Variants in MSI1 observed in about 807,000 individuals in gnomAD.
The protein encoded by MSI1 is RNA-binding protein Musashi homolog 1.
Under a neutral mutation model 54.4 loss-of-function variants are expected in MSI1, and 15 were observed. The ratio of observed to expected loss-of-function variants is 0.28; its 90% CI spans 0.18 to 0.42. The LOEUF is 0.42. Ranked by LOEUF, MSI1 falls within the 20% of genes least tolerant of loss-of-function variation. MSI1 has a pLI of 1.00. For missense variants in MSI1, 304 were observed against 506.0 expected, an observed-to-expected ratio of 0.60 and a Z score of 3.83; for synonymous variants, 200 against 196.5, an observed-to-expected ratio of 1.02 and a Z score of -0.15.
chr12:120,367,895 ACTCC>A (rs1208607318), intron 4 of MSI1, 109 bp downstream of exon 4: 7 of 1,070,282 alleles, frequency 6.5e-6, no homozygotes, highest in Non-Finnish European at 8.0e-6. Flanking sequence ...ACTCAGAAAA[ACTCC>A]CTCCTTCCTC....
Position 120,353,424 on chromosome 12 carries a change from G to A in MSI1, c.653-45C>T, listed in dbSNP as rs199849224. 1.9e-5 allele frequency: 30 copies of A among 1,569,872 alleles called. No individual in the cohort carries two copies. The African/African-American group carries it at 2.8e-4, about 15-fold the overall frequency. On this transcript the variant is annotated intron_variant, in intron 9 of 14. Transcript: ENST00000257552. Reference sequence around the variant, plus strand: ...GTGTCAGATGGCTCATCCACAGGGCGGATCCTGATCATGGAGAAGGACCTG... The same window carrying A: ...GTGTCAGATGGCTCATCCACAGGGCAGATCCTGATCATGGAGAAGGACCTG...
At chr12:120,340,769 C>T (rs1592914562), downstream of MSI1, among the ~76,000 whole-genome samples, 2 of 152,172 alleles carry the variant, frequency 1.3e-5, no homozygotes, top group African/African-American at 4.8e-5. Context: ...TTGCCTCAGC[C>T]TCCCCAAGTA....
chr12:120,357,119 T>A, intron 8 of MSI1, 100 bp from the exon 9 acceptor site: 1 of 1,089,674 alleles, frequency 9.2e-7, no homozygotes, highest in Non-Finnish European at 1.4e-6. Context: ...AATTTCACTG[T>A]CCAGCTGAAA....
chr12:120,350,587 T>A (rs1874511877), intron 11 of MSI1, among the ~76,000 whole-genome samples: 1 of 150,730 alleles, frequency 6.6e-6, no homozygotes, highest in Non-Finnish European at 1.5e-5. Flanking sequence ...GAGGGGAGAG[T>A]CTGGGGGTGG....
At chr12:120,354,485 G>A (rs968214937) in intron 9 of MSI1, among the ~76,000 whole-genome samples, 2 of 151,772 alleles carry the variant, frequency 1.3e-5, no homozygotes, top group South Asian at 2.1e-4. Flanking sequence ...AGGCTGGAGT[G>A]CAATGGCATG....
chr12:120,365,589 CAA>C (rs1875966872), intron 4 of MSI1, among the ~76,000 whole-genome samples: 1 of 152,178 alleles, frequency 6.6e-6, no homozygotes, highest in Admixed American at 6.5e-5. Flanking sequence ...TCTTTGTCTG[CAA>C]AAGGCTACAA....
intron 6 of MSI1, among the ~76,000 whole-genome samples, chr12:120,361,732 C>T (rs1565892482): frequency 6.6e-6 from 1 of 151,306 alleles, no homozygotes; most frequent in Non-Finnish European, 1.5e-5. Flanking sequence ...GGCGGGGGGC[C>T]CCCCGCCGCG....
chr12:120,357,934 A>T (rs1875279922), intron 7 of MSI1, 36 bp from the exon 8 acceptor site: 1 of 1,598,214 alleles, frequency 6.3e-7, no homozygotes, highest in Admixed American at 1.7e-5. Flanking sequence ...CAAGGTCAGA[A>T]CCAGAGCGCA....
At chr12:120,350,175 C>G (rs1874473647) in intron 11 of MSI1, among the ~76,000 whole-genome samples, 1 of 152,160 alleles carries the variant, frequency 6.6e-6, no homozygotes. Flanking sequence ...GCATGCACCA[C>G]CACCACACCT....
At chr12:120,363,294 G>A (rs1214848765) in intron 5 of MSI1, among the ~76,000 whole-genome samples, 159 bp from the exon 6 acceptor site, 1 of 76,976 alleles carries the variant, frequency 1.3e-5, no homozygotes, top group African/African-American at 6.2e-5. Flanking sequence ...TTGGACCCCC[G>A]CCTCTAGGCC....
At chr12:120,366,349 G>A (rs2136990439) in intron 4 of MSI1, among the ~76,000 whole-genome samples, 1 of 152,174 alleles carries the variant, frequency 6.6e-6, no homozygotes, top group African/African-American at 2.4e-5. Context: ...AATCCACACT[G>A]GGGCAATGCC....
intron 11 of MSI1, among the ~76,000 whole-genome samples, chr12:120,348,332 G>A (rs1235805267): frequency 1.3e-5 from 2 of 152,172 alleles, no homozygotes; most frequent in South Asian, 2.1e-4. Flanking sequence ...TGGCTTGAAT[G>A]GCTTGAGCCT....
chr12:120,349,995 G>A (rs750486805), intron 11 of MSI1, among the ~76,000 whole-genome samples: 1 of 152,096 alleles, frequency 6.6e-6, no homozygotes, highest in Non-Finnish European at 1.5e-5. Flanking sequence ...TCTTATCCCC[G>A]CTCTGTCCCC....
rs1246462361 is a variant in MSI1, at chr12:120,346,187, T to A, written c.995A>T (p.Tyr332Phe). Residue 332 changes from tyrosine to phenylalanine, a missense_variant, in exon 13 of 15, where the codon TAC becomes TTC. This residue lies in a region of MSI1 where 147 missense variants were observed against 231.5 expected (regional missense o/e 0.64). Transcript: ENST00000257552. ...AANQDSGVSS[Y>F]ISAASPAPST... The stretch of plus-strand genomic sequence containing the variant: ...GGGGGCAGGGCTGGCGGCGCTGATG[T>A]AACTGCTGACCCCCGAGTCCTGGTT... 3 of 1,600,278 alleles carry A rather than the reference T, an allele frequency of 1.9e-6. No individual in the cohort carries two copies. Among genetic ancestry groups the A allele is most frequent in the Non-Finnish European group, 2.6e-6 (3 of 1,174,270 alleles).
chr12:120,358,945 C>G, intron 7 of MSI1, 60 bp downstream of exon 7: 1 of 1,541,270 alleles, frequency 6.5e-7, no homozygotes, highest in Non-Finnish European at 8.8e-7. Flanking sequence ...CAGCTGTGAC[C>G]TGCAGCCCCC....
chr12:120,367,324 C>G (rs1042998145), intron 4 of MSI1, among the ~76,000 whole-genome samples: 2 of 152,172 alleles, frequency 1.3e-5, no homozygotes, highest in Non-Finnish European at 2.9e-5. Flanking sequence ...CTGGAGCCAG[C>G]GCCCCCTGCA....
chr12:120,345,171 G>C (rs1206919120), intron 14 of MSI1, among the ~76,000 whole-genome samples: 1 of 151,842 alleles, frequency 6.6e-6, no homozygotes, highest in Non-Finnish European at 1.5e-5. Flanking sequence ...GGGCAACACA[G>C]TGAAACCCTG....
At position 120,368,264 on chromosome 12, in the gene MSI1, C is replaced by T. The variant is rs866298359; in HGVS notation, c.110G>A (p.Arg37His). ...CTCCCCGAACTGGCCGAAGTATTCG[C>T]GCAGCCCTTCTGTAACCACACACCC... is the stretch of plus-strand genomic sequence containing the variant. ...LSWQTTQEGL[R>H]EYFGQFGEVK... The change falls in exon 3 of 15, where the codon CGC (arginine) becomes CAC (histidine). Residue 37 changes from arginine to histidine, a missense_variant. By Grantham distance (29) the Arg-to-His change is conservative. Around this residue, in one of 4 missense-constraint regions of MSI1, gnomAD observed 105 missense variants for 230.1 expected, o/e 0.46. Coordinates refer to ENST00000257552, the MANE Select transcript of MSI1 (RefSeq NM_002442.4). The surrounding 1 kb of genome is among the most constrained non-coding windows in gnomAD (Gnocchi z 6.6). The T allele has an allele frequency of 1.3e-6, 2 of 1,574,598 alleles. No homozygotes were observed. Among genetic ancestry groups the T allele is most frequent in the Non-Finnish European group, 1.7e-6 (2 of 1,159,174 alleles).
intron 7 of MSI1, 71 bp downstream of exon 7, chr12:120,358,934 G>T: frequency 6.6e-7 from 1 of 1,506,128 alleles, no homozygotes; most frequent in Non-Finnish European, 9.0e-7. Context: ...AGATGAAAGG[G>T]CAGCTGTGAC....
Sources: allele counts gnomAD v4.1 joint callset (sites outside exome capture counted in the v4.1 genomes callset), GRCh38; gene constraint gnomAD v4.1.1; regional missense constraint gnomAD v4.1.1; non-coding constraint Gnocchi (gnomAD v3.1); transcripts MANE v1.5; gene names NCBI Gene and HGNC (gene_info 2026-07-23, HGNC 2026-07-21).